The following RPS6KA5 variants were observed in gnomAD, a reference collection of about 807,000 sequenced individuals.
RPS6KA5 encodes the protein ribosomal protein S6 kinase A5, also known as ribosomal protein S6 kinase alpha-5.
RPS6KA5 carries 27 observed loss-of-function variants against 85.5 expected under a neutral mutation model. The observed-to-expected ratio is 0.32, with a 90% CI of 0.23 to 0.44. The LOEUF is 0.44. RPS6KA5 is among the 20% of genes least tolerant of loss of function. The pLI, the probability that RPS6KA5 is intolerant of heterozygous loss-of-function variation, is 1.00. For missense variants in RPS6KA5, 811 were observed against 980.9 expected (o/e 0.83, Z 2.31); for synonymous variants, 334 against 348.2 (o/e 0.96, Z 0.46).
intron 3 of RPS6KA5, among the ~76,000 whole-genome samples, chr14:90,955,994 C>T (rs770520471): frequency 5.3e-5 from 8 of 152,046 alleles, no homozygotes; most frequent in Non-Finnish European, 1.0e-4. Flanking sequence ...AGAAATGTAA[C>T]AATACAACCA....
At chr14:90,898,108 G>T (rs2034941441) in intron 12 of RPS6KA5, among the ~76,000 whole-genome samples, 1 of 152,190 alleles carries the variant, frequency 6.6e-6, no homozygotes, top group Non-Finnish European at 1.5e-5. Flanking sequence ...CCTTCCCTAA[G>T]GCAGTAGTTT....
chr14:90,913,965 T>C (rs993770092), intron 7 of RPS6KA5, among the ~76,000 whole-genome samples: 3 of 152,156 alleles, frequency 2.0e-5, no homozygotes, highest in Non-Finnish European at 4.4e-5. Context: ...GATGAGACCT[T>C]CTTTGGGAGG....
Position 90,859,036 on chromosome 14 carries a change from G to A in RPS6KA5, c.*13038C>T, listed in dbSNP as rs1236382152. On this transcript the variant is annotated 3_prime_UTR_variant, in exon 17 of 17. Coordinates refer to ENST00000614987, the MANE Select transcript of RPS6KA5 (RefSeq NM_004755.4). ...GCAGCAGATGAGAGGCTAACGAGCT[G>A]AGCAGCTCTTAGTACTGAGGAGGGA... is the stretch of plus-strand genomic sequence containing the variant. The A allele has an allele frequency of 6.6e-6, 1 of 152,246 alleles. No individual in the cohort carries two copies. The highest frequency in any genetic ancestry group is 1.5e-5 in the Non-Finnish European group (1 of 68,102). 9.4% of individuals were successfully genotyped at this position (152,246 alleles called of 1,614,324 possible). A position where few individuals can be genotyped will look rare whatever the true frequency, so the allele number is the denominator to read the frequency against.
chr14:90,851,978 T>C lies in RPS6KA5; in HGVS notation c.*20096A>G, dbSNP rs2032016914. 6.6e-6 allele frequency: 1 copy of C among 151,140 alleles called. No homozygotes were observed. Among genetic ancestry groups the C allele is most frequent in the Non-Finnish European group, 1.5e-5 (1 of 67,868 alleles). 9.4% of individuals were successfully genotyped at this position (151,140 alleles called of 1,614,324 possible). A position where few individuals can be genotyped will look rare whatever the true frequency, so the allele number is the denominator to read the frequency against. ...AGACAGAATTTAATATATTCGTTGA[T>C]CTAAAGAAATAAACAGTATTATTCA... On this transcript the variant is annotated 3_prime_UTR_variant, in exon 17 of 17. Transcript: ENST00000614987.
At chr14:90,878,279 G>C (rs1336532654) in intron 14 of RPS6KA5, among the ~76,000 whole-genome samples, 2 of 152,174 alleles carry the variant, frequency 1.3e-5, no homozygotes, top group East Asian at 3.9e-4. Flanking sequence ...TGATATGATA[G>C]AGACTGTACT....
chr14:91,043,163 T>A (rs553855732), intron 1 of RPS6KA5, among the ~76,000 whole-genome samples: 1 of 152,298 alleles, frequency 6.6e-6, no homozygotes, highest in African/African-American at 2.4e-5. Context: ...TTCCTAGGTT[T>A]TCTCCTGGTT....
intron 3 of RPS6KA5, among the ~76,000 whole-genome samples, chr14:90,963,838 A>C (rs1271245829): frequency 6.6e-6 from 1 of 152,224 alleles, no homozygotes; most frequent in Non-Finnish European, 1.5e-5. Context: ...TAAGTGAAAC[A>C]GAGAAAAATA....
chr14:90,943,585 C>A (rs1003499946), intron 4 of RPS6KA5, among the ~76,000 whole-genome samples: 1 of 152,152 alleles, frequency 6.6e-6, no homozygotes, highest in Non-Finnish European at 1.5e-5. Context: ...GATCCCCTGT[C>A]ATTTCCTTGT....
chr14:91,060,483 A>G lies in RPS6KA5; in HGVS notation c.-49T>C. ...CGGGTCGCTACGAGGGGAACCCAGG[A>G]GACAGCGGACGCCCGTCCCCTCGCA... On this transcript the variant is annotated 5_prime_UTR_variant, in exon 1 of 17. Transcript: ENST00000614987. 1 of 1,332,136 alleles carries G rather than the reference A, an allele frequency of 7.5e-7. No homozygotes were observed. The highest frequency in any genetic ancestry group is 9.7e-7 in the Non-Finnish European group (1 of 1,030,186). 82.5% of individuals were successfully genotyped at this position (1,332,136 alleles called of 1,614,324 possible).
intron 1 of RPS6KA5, among the ~76,000 whole-genome samples, chr14:91,022,067 ATATT>A (rs1215120850): frequency 6.6e-6 from 1 of 152,198 alleles, no homozygotes; most frequent in East Asian, 1.9e-4. Flanking sequence ...TGGTGCACAA[ATATT>A]TATGCTGTAC....
intron 5 of RPS6KA5, among the ~76,000 whole-genome samples, chr14:90,934,479 T>G (rs2037158884): frequency 6.6e-6 from 1 of 152,176 alleles, no homozygotes; most frequent in Non-Finnish European, 1.5e-5. Context: ...TTCCTTTCTT[T>G]CTTAGAAAAT....
At chr14:90,983,554 C>T (rs1699194088) in intron 2 of RPS6KA5, among the ~76,000 whole-genome samples, 1 of 150,000 alleles carries the variant, frequency 6.7e-6, no homozygotes, top group Admixed American at 6.7e-5. Context: ...GAGCTGAGAT[C>T]GTGCCACTTG....
At chr14:91,048,639 A>C (rs1244678932) in intron 1 of RPS6KA5, among the ~76,000 whole-genome samples, 2 of 152,172 alleles carry the variant, frequency 1.3e-5, no homozygotes, top group Non-Finnish European at 2.9e-5. Flanking sequence ...AACAAACATA[A>C]TGAGGCCAAG....
intron 7 of RPS6KA5, among the ~76,000 whole-genome samples, chr14:90,913,334 C>T (rs1389871912): frequency 6.6e-6 from 1 of 152,160 alleles, no homozygotes; most frequent in Non-Finnish European, 1.5e-5. Context: ...AAGGAAAAAA[C>T]TTGTTTCTTT....
intron 2 of RPS6KA5, among the ~76,000 whole-genome samples, chr14:90,990,583 T>G (rs2040261107): frequency 6.6e-6 from 1 of 152,182 alleles, no homozygotes; most frequent in South Asian, 2.1e-4. Flanking sequence ...ACTCATATGT[T>G]CATTGCATGT....
At position 90,851,271 on chromosome 14, in the gene RPS6KA5, CT is replaced by C. The variant is rs1254086020; in HGVS notation, c.*20802del. On this transcript the variant is annotated 3_prime_UTR_variant, in exon 17 of 17. Transcript: ENST00000614987. ...GCCAGGATGGTCTTGATCTCCTGAC[CT>C]CGTGATCCACCCTCCTCAGCCTCCC... is the stretch of plus-strand genomic sequence containing the variant. 1 of 152,268 alleles carries C rather than the reference CT, an allele frequency of 6.6e-6. No homozygotes were observed. Among genetic ancestry groups the C allele is most frequent in the Non-Finnish European group, 1.5e-5 (1 of 68,100 alleles). 9.4% of individuals were successfully genotyped at this position (152,268 alleles called of 1,614,324 possible).
At chr14:91,004,027 A>C (rs1345162709) in intron 1 of RPS6KA5, among the ~76,000 whole-genome samples, 1 of 152,184 alleles carries the variant, frequency 6.6e-6, no homozygotes, top group Non-Finnish European at 1.5e-5. Context: ...TACAGAACCA[A>C]AGATCAAGCT....
chr14:90,948,799 T>C (rs1015595667), intron 3 of RPS6KA5, among the ~76,000 whole-genome samples: 3 of 151,910 alleles, frequency 2.0e-5, no homozygotes, highest in African/African-American at 7.3e-5. Flanking sequence ...ACTAGAAAAG[T>C]CACAAATGCA....
intron 14 of RPS6KA5, among the ~76,000 whole-genome samples, chr14:90,876,220 T>C (rs1205446818): frequency 1.3e-5 from 2 of 152,168 alleles, no homozygotes; most frequent in African/African-American, 4.8e-5. Context: ...AAAGATGGTA[T>C]TGATGTTAAC....
Sources: allele counts gnomAD v4.1 joint callset (sites outside exome capture counted in the v4.1 genomes callset), GRCh38; gene constraint gnomAD v4.1.1; transcripts MANE v1.5; gene names NCBI Gene and HGNC (gene_info 2026-07-23, HGNC 2026-07-21).